Variants in RPS6KC1 observed in about 807,000 individuals in gnomAD.
The protein encoded by RPS6KC1 is inactive ribosomal protein S6 kinase delta-1.
RPS6KC1 carries 54 observed loss-of-function variants against 103.8 expected under a neutral mutation model. That is an observed-to-expected ratio of 0.52 (90% CI 0.42 to 0.65). The LOEUF is 0.65. Ranked by LOEUF, RPS6KC1 falls within the 30% of genes least tolerant of loss-of-function variation. RPS6KC1 has a pLI of 0.00. For missense variants in RPS6KC1, 1,151 were observed against 1,253.8 expected, an observed-to-expected ratio of 0.92 and a Z score of 1.24; for synonymous variants, 439 against 438.7, an observed-to-expected ratio of 1.00 and a Z score of -0.01.
chr1:213,084,792 A>T (rs529334314), intron 3 of RPS6KC1, among the ~76,000 whole-genome samples: 13 of 152,282 alleles, frequency 8.5e-5, no homozygotes, highest in African/African-American at 2.9e-4. Flanking sequence ...CCCTTTTTAA[A>T]GAGAACGATT....
chr1:213,802,529 CTT>C, the RPS6KC1 span, among the ~76,000 whole-genome samples: 1 of 152,198 alleles, frequency 6.6e-6, no homozygotes, highest in African/African-American at 2.4e-5. Flanking sequence ...GAACACTCAC[CTT>C]TCTGGCTGAC....
chr1:213,671,903 C>A, the RPS6KC1 span, among the ~76,000 whole-genome samples: 2 of 151,964 alleles, frequency 1.3e-5, no homozygotes, highest in Non-Finnish European at 2.9e-5. Context: ...GAAACATCAC[C>A]TGTGCCCCAT....
chr1:213,622,235 CT>C, the RPS6KC1 span, among the ~76,000 whole-genome samples: 17 of 144,870 alleles, frequency 1.2e-4, no homozygotes, highest in Admixed American at 2.7e-4. Flanking sequence ...CAAGTAATGT[CT>C]TTTTTTTTTT....
At chr1:213,679,684 C>T in the RPS6KC1 span, among the ~76,000 whole-genome samples, 1 of 152,210 alleles carries the variant, frequency 6.6e-6, no homozygotes, top group Non-Finnish European at 1.5e-5. Context: ...ATGTCCAATT[C>T]AGGCTTGAAT....
chr1:213,142,261 G>C (rs888412299), intron 6 of RPS6KC1, among the ~76,000 whole-genome samples: 7 of 152,024 alleles, frequency 4.6e-5, no homozygotes, highest in Non-Finnish European at 1.0e-4. Context: ...GAGCCTGTGG[G>C]TGTTACTGCA....
downstream of RPS6KC1, among the ~76,000 whole-genome samples, chr1:213,278,335 A>G (rs2149209681): frequency 6.6e-6 from 1 of 152,158 alleles, no homozygotes; most frequent in East Asian, 1.9e-4. Flanking sequence ...TTCAGTGCCA[A>G]TATAATGACT....
chr1:213,376,487 T>C, the RPS6KC1 span, among the ~76,000 whole-genome samples: 2 of 152,014 alleles, frequency 1.3e-5, no homozygotes, highest in Admixed American at 1.3e-4. Context: ...ACAGTTTTCC[T>C]CATTTCATGC....
chr1:213,559,697 A>G, the RPS6KC1 span, among the ~76,000 whole-genome samples: 1 of 152,204 alleles, frequency 6.6e-6, no homozygotes, highest in Non-Finnish European at 1.5e-5. Context: ...AGGCATATAG[A>G]TCAGTGCTAT....
chr1:213,689,706 G>A, the RPS6KC1 span, among the ~76,000 whole-genome samples: 1 of 152,186 alleles, frequency 6.6e-6, no homozygotes, highest in Non-Finnish European at 1.5e-5. Flanking sequence ...CTGTGTGTAG[G>A]AGAATTGTTT....
In RPS6KC1 at chr1:213,160,652, A is replaced by G. The variant is rs903832561; in HGVS notation, c.836-7206A>G. Among the ~76,000 whole-genome samples, 6 of 135,964 alleles carry G rather than the reference A, an allele frequency of 4.4e-5. No homozygotes were observed. In the South Asian group the frequency reaches 7.4e-4, roughly 17 times the overall value. The allele number at this position is 135,964 out of a possible 152,430, so 89.2% of individuals were successfully genotyped here. A position where few individuals can be genotyped will look rare whatever the true frequency, so the allele number is the denominator to read the frequency against. On this transcript the variant is annotated intron_variant, in intron 6 of 14. Coordinates refer to ENST00000366960, the MANE Select transcript of RPS6KC1 (RefSeq NM_012424.6). Reference sequence around the variant, plus strand: ...ATAGTGGTGGCAAGTCATATACAACATGGAATACTATGCAGCCATAAAAAA... The same window carrying G: ...ATAGTGGTGGCAAGTCATATACAACGTGGAATACTATGCAGCCATAAAAAA...
At position 213,051,298 on chromosome 1, in the gene RPS6KC1, C is replaced by T. The variant is rs1195998460; in HGVS notation, c.-107C>T. 1 of 775,676 alleles carries T rather than the reference C, an allele frequency of 1.3e-6. No individual in the cohort carries two copies. The highest frequency in any genetic ancestry group is 2.1e-6 in the Non-Finnish European group (1 of 467,454). The allele number at this position is 775,676 out of a possible 1,614,324, so 48.0% of individuals were successfully genotyped here. Reference sequence around the variant, plus strand: ...CGCCGTGGAGCCGCCTTGGAGCCACCGCCCCCTCGCCGCTTCGCCGCTGCG... The same window carrying T: ...CGCCGTGGAGCCGCCTTGGAGCCACTGCCCCCTCGCCGCTTCGCCGCTGCG... On this transcript the variant is annotated 5_prime_UTR_variant, in exon 1 of 15. Transcript: ENST00000366960.
At chr1:213,157,292 C>T (rs2089997111) in intron 6 of RPS6KC1, among the ~76,000 whole-genome samples, 1 of 151,740 alleles carries the variant, frequency 6.6e-6, no homozygotes, top group Non-Finnish European at 1.5e-5. Context: ...CGGCTCACTG[C>T]AGGCTCCACC....
chr1:213,361,886 A>G, the RPS6KC1 span, among the ~76,000 whole-genome samples: 3 of 152,274 alleles, frequency 2.0e-5, no homozygotes, highest in Non-Finnish European at 2.9e-5. Flanking sequence ...GTGGGTGTGG[A>G]TGTGTCTGTG....
At chr1:213,228,147 G>A (rs1244079353) in intron 8 of RPS6KC1, among the ~76,000 whole-genome samples, 1 of 152,186 alleles carries the variant, frequency 6.6e-6, no homozygotes, top group Non-Finnish European at 1.5e-5. Flanking sequence ...AAGGAAGAAA[G>A]TAGTCAGTGT....
chr1:213,629,466 C>G, the RPS6KC1 span, among the ~76,000 whole-genome samples: 1 of 152,106 alleles, frequency 6.6e-6, no homozygotes, highest in Non-Finnish European at 1.5e-5. Flanking sequence ...TTATTTTGAG[C>G]CTATGTGTGT....
the RPS6KC1 span, among the ~76,000 whole-genome samples, chr1:213,741,041 C>CAATATAAAAATACATATGTATACATATA: frequency 7.2e-6 from 1 of 138,698 alleles, no homozygotes; most frequent in Non-Finnish European, 1.6e-5. Flanking sequence ...TATACATATA[C>CAATATAAAAATACATATGTATACATATA]AATATAAAAA....
chr1:213,199,504 A>G (rs1327728993), intron 8 of RPS6KC1, among the ~76,000 whole-genome samples: 1 of 152,250 alleles, frequency 6.6e-6, no homozygotes, highest in Non-Finnish European at 1.5e-5. Flanking sequence ...CCTCAAAATA[A>G]TACGAGCCAT....
chr1:213,535,558 T>C, the RPS6KC1 span, among the ~76,000 whole-genome samples: 5 of 152,162 alleles, frequency 3.3e-5, no homozygotes, highest in Non-Finnish European at 5.9e-5. Context: ...CCTCTGACCC[T>C]TACCCCACTG....
the RPS6KC1 span, among the ~76,000 whole-genome samples, chr1:213,527,497 GA>G: frequency 3.3e-5 from 5 of 152,236 alleles, no homozygotes; most frequent in Admixed American, 3.3e-4. Flanking sequence ...AGTGAGACCA[GA>G]ACACAGACTT....
Sources: allele counts gnomAD v4.1 joint callset (sites outside exome capture counted in the v4.1 genomes callset), GRCh38; gene constraint gnomAD v4.1.1; transcripts MANE v1.5; gene names NCBI Gene and HGNC (gene_info 2026-07-23, HGNC 2026-07-21).